Variants in PGM2 observed in about 807,000 individuals in gnomAD.
PGM2 encodes the protein phosphoglucomutase 2.
PGM2 carries 57 observed loss-of-function variants against 74.6 expected under a neutral mutation model. The ratio of observed to expected loss-of-function variants is 0.76; its 90% confidence interval spans 0.62 to 0.95. PGM2 has a LOEUF of 0.95. PGM2 is among the 40% of genes least tolerant of loss of function. The pLI, the probability that PGM2 is intolerant of heterozygous loss-of-function variation, is 0.00. For synonymous variants in PGM2, 273 were observed against 260.7 expected, an observed-to-expected ratio of 1.05 and a Z score of -0.46; for missense variants, 706 against 741.9, an observed-to-expected ratio of 0.95 and a Z score of 0.56.
chr4:37,858,598 C>T (rs1442377830), intron 13 of PGM2, among the ~76,000 whole-genome samples: 1 of 151,804 alleles, frequency 6.6e-6, no homozygotes, highest in Non-Finnish European at 1.5e-5. Flanking sequence ...GATCTGCCAG[C>T]CTCAGCCTCC....
At chr4:37,855,901 C>G (rs1726180261) in intron 13 of PGM2, among the ~76,000 whole-genome samples, 160 bp downstream of exon 13, 1 of 152,230 alleles carries the variant, frequency 6.6e-6, no homozygotes, top group African/African-American at 2.4e-5. Flanking sequence ...CAGTCAGTCT[C>G]AGCATCCAGG....
intron 11 of PGM2, among the ~76,000 whole-genome samples, 190 bp downstream of exon 11, chr4:37,848,841 G>A (rs1034132114): frequency 9.2e-5 from 14 of 152,126 alleles, no homozygotes; most frequent in African/African-American, 2.2e-4. Context: ...AGGCTGAGGC[G>A]GGTGGATCAC....
intron 7 of PGM2, 108 bp from the exon 8 acceptor site, chr4:37,845,523 TTC>T (rs1172823504): frequency 1.4e-6 from 1 of 724,704 alleles, no homozygotes; most frequent in Non-Finnish European, 2.4e-6. Flanking sequence ...TATATTATCT[TTC>T]TAAGAGGGGA....
At position 37,846,928 on chromosome 4, in the gene PGM2, C is replaced by A; in HGVS notation, c.1008-3C>A. On this transcript the variant is annotated splice_region_variant and splice_polypyrimidine_tract_variant and intron_variant, in intron 8 of 13. Coordinates refer to ENST00000381967, the MANE Select transcript of PGM2 (RefSeq NM_018290.4). ...GGTGGTTGTTGTTTTTTTTTTCTTT[C>A]AGTGGTGAATGGAGGGTGTTTTCAG... 1.3e-6 allele frequency: 2 copies of A among 1,574,586 alleles called. No homozygotes were observed. Among genetic ancestry groups the A allele is most frequent in the South Asian group, 1.2e-5 (1 of 84,856 alleles).
chr4:37,839,806 T>A lies in PGM2; in HGVS notation c.442-42T>A, dbSNP rs781174059. 5.9e-5 allele frequency: 66 copies of A among 1,127,320 alleles called. No homozygotes were observed. In the East Asian group the frequency reaches 1.5e-3, roughly 26 times the overall value. 69.8% of individuals were successfully genotyped at this position (1,127,320 alleles called of 1,614,324 possible). Reference sequence around the variant, plus strand: ...GACATTTTAAGAATATCTGGTTATTTTCGTTAAAAACTGTTTGTTCTTGTT... The same window carrying A: ...GACATTTTAAGAATATCTGGTTATTATCGTTAAAAACTGTTTGTTCTTGTT... On this transcript the variant is annotated intron_variant, in intron 4 of 13. Coordinates refer to ENST00000381967, the MANE Select transcript of PGM2 (RefSeq NM_018290.4).
intron 13 of PGM2, 143 bp downstream of exon 13, chr4:37,855,884 G>A (rs1407305669): frequency 3.2e-6 from 2 of 634,858 alleles, no homozygotes; most frequent in Admixed American, 3.8e-5. Context: ...TAATATTTTG[G>A]TATTAACAGT....
At chr4:37,829,933 C>G in intron 1 of PGM2, 31 bp from the exon 2 acceptor site, 1 of 1,438,140 alleles carries the variant, frequency 7.0e-7, no homozygotes, top group Non-Finnish European at 9.4e-7. Flanking sequence ...ATTCACTTGT[C>G]TGGCTGTGTC....
intron 2 of PGM2, among the ~76,000 whole-genome samples, chr4:37,834,259 C>T (rs1725506658): frequency 6.6e-6 from 1 of 151,764 alleles, no homozygotes; most frequent in Admixed American, 6.6e-5. Context: ...TTGCTTAAAC[C>T]CAGGAATTCA....
chr4:37,840,600 G>T (rs1359233277), intron 6 of PGM2, among the ~76,000 whole-genome samples: 1 of 152,134 alleles, frequency 6.6e-6, no homozygotes, highest in Non-Finnish European at 1.5e-5. Flanking sequence ...GGCCAGGCTA[G>T]TCTTGAACTC....
At chr4:37,846,483 C>T (rs924757668) in intron 8 of PGM2, among the ~76,000 whole-genome samples, 2 of 152,184 alleles carry the variant, frequency 1.3e-5, no homozygotes, top group African/African-American at 4.8e-5. Context: ...ATGTTCTGAC[C>T]ATTTAGGACT....
At chr4:37,846,848 A>C (rs1241322699) in intron 8 of PGM2, 83 bp from the exon 9 acceptor site, 1 of 1,079,392 alleles carries the variant, frequency 9.3e-7, no homozygotes, top group Non-Finnish European at 1.3e-6. Context: ...TTGTTTGCTA[A>C]ATTGTTTTAT....
At chr4:37,848,397 T>C (rs1019562756) in intron 10 of PGM2, 125 bp from the exon 11 acceptor site, 1 of 753,516 alleles carries the variant, frequency 1.3e-6, no homozygotes, top group Admixed American at 2.8e-5. Context: ...AAACATAAGG[T>C]ATTAATGAGA....
chr4:37,856,388 AAAAT>A (rs563647052), intron 13 of PGM2, among the ~76,000 whole-genome samples: 2 of 152,098 alleles, frequency 1.3e-5, no homozygotes, highest in East Asian at 1.9e-4. Flanking sequence ...CCATCTCAAA[AAAAT>A]AAATAAATAA....
Position 37,861,747 on chromosome 4 carries a change from A to C in PGM2, c.*135A>C. The C allele has an allele frequency of 1.9e-6, 1 of 522,424 alleles. No individual in the cohort carries two copies. The highest frequency in any genetic ancestry group is 3.5e-6 in the Non-Finnish European group (1 of 285,342). The allele number at this position is 522,424 out of a possible 1,614,324, so 32.4% of individuals were successfully genotyped here. A position where few individuals can be genotyped will look rare whatever the true frequency, so the allele number is the denominator to read the frequency against. ...TGTTTTACAAAGACCTACATTCCTC[A>C]TTGTTTCATGTTTGACCTTTAAGGT... On this transcript the variant is annotated 3_prime_UTR_variant, in exon 14 of 14. Transcript: ENST00000381967.
chr4:37,853,857 T>C (rs1019366378), intron 12 of PGM2, among the ~76,000 whole-genome samples: 1 of 152,184 alleles, frequency 6.6e-6, no homozygotes, highest in African/African-American at 2.4e-5. Context: ...TCCAGAGAAT[T>C]TAAACCATCT....
Position 37,826,742 on chromosome 4 carries a change from C to T in PGM2, c.10C>T (p.Pro4Ser), listed in dbSNP as rs1286823981. The stretch of plus-strand genomic sequence containing the variant: ...TAGCACAAGCTCAGCGATGGCGGCT[C>T]CAGAAGGCAGCGGTCTAGGCGAGGA... MAA[P>S]EGSGLGEDAR... Residue 4 changes from proline (P) to serine (S), a missense_variant, in exon 1 of 14, where the codon CCA becomes TCA. Transcript: ENST00000381967. 2.6e-6 allele frequency: 4 copies of T among 1,549,910 alleles called. No homozygotes were observed. Among genetic ancestry groups the T allele is most frequent in the Non-Finnish European group, 3.5e-6 (4 of 1,146,228 alleles).
At chr4:37,858,421 C>G (rs1022092012) in intron 13 of PGM2, among the ~76,000 whole-genome samples, 1 of 151,718 alleles carries the variant, frequency 6.6e-6, no homozygotes, top group African/African-American at 2.4e-5. Flanking sequence ...ACTGCAACCT[C>G]TGCCTCCTGG....
At position 37,861,565 on chromosome 4, in the gene PGM2, C is replaced by T. The variant is rs757294227; in HGVS notation, c.1792C>T (p.His598Tyr). The change falls in exon 14 of 14, where the codon CAT becomes TAT. Residue 598 changes from histidine (H) to tyrosine (Y), a missense_variant. His to Tyr is a moderately conservative substitution (Grantham distance 83). Transcript: ENST00000381967. ...TGAACTGGTCAGTGCTATTGAAGAA[C>T]ATTTTTTCCAGCCACAGAAGTACAA... ...LNELVSAIEE[H>Y]FFQPQKYNLQ... 6.2e-7 allele frequency: 1 copy of T among 1,613,410 alleles called. No homozygotes were observed. Among genetic ancestry groups the T allele is most frequent in the African/African-American group, 1.3e-5 (1 of 75,022 alleles).
At position 37,829,861 on chromosome 4, in the gene PGM2, C is replaced by T. The variant is rs28373112; in HGVS notation, c.82-103C>T. On this transcript the variant is annotated intron_variant, in intron 1 of 13. Coordinates refer to ENST00000381967, the MANE Select transcript of PGM2 (RefSeq NM_018290.4). ...TGAAAGGTCTACATATATATATATA[C>T]ATATATATATATTTTCTATAGATTA... The T allele has an allele frequency of 6.7e-3, 2,106 of 315,562 alleles. 46 individuals carry two copies. Among genetic ancestry groups the T allele is most frequent in the African/African-American group, 0.053 (1,914 of 35,942 alleles). The allele number at this position is 315,562 out of a possible 1,614,324, so 19.5% of individuals were successfully genotyped here. A position where few individuals can be genotyped will look rare whatever the true frequency, so the allele number is the denominator to read the frequency against.
Sources: allele counts gnomAD v4.1 joint callset (sites outside exome capture counted in the v4.1 genomes callset), GRCh38; gene constraint gnomAD v4.1.1; transcripts MANE v1.5; gene names NCBI Gene and HGNC (gene_info 2026-07-23, HGNC 2026-07-21).